NR4A3: variants seen among roughly 807,000 people sequenced by gnomAD.
NR4A3 encodes chondrosarcoma, extraskeletal myxoid, fused to EWS.
A neutral mutation model predicts 55.6 loss-of-function variants in NR4A3; 13 were observed. The ratio of observed to expected loss-of-function variants is 0.23; its 90% confidence interval spans 0.15 to 0.37. NR4A3 has a LOEUF of 0.37. Among genes scored for constraint, NR4A3 ranks in the 10% least tolerant of loss-of-function variants. The probability of loss-of-function intolerance (pLI) is 1.00; values close to 1 mark genes in which losing one functional copy is unlikely to be tolerated. For missense variants in NR4A3, 646 were observed against 822.8 expected (o/e 0.79, Z 2.63); for synonymous variants, 342 against 357.9 (o/e 0.96, Z 0.50).
intron 5 of NR4A3, among the ~76,000 whole-genome samples, chr9:99,842,460 G>A (rs925708961): frequency 2.0e-5 from 3 of 152,186 alleles, no homozygotes; most frequent in Non-Finnish European, 4.4e-5. Context: ...GCCAGACGCG[G>A]TGGCTCACGC....
At chr9:99,839,323 T>C (rs1827610222) in intron 5 of NR4A3, among the ~76,000 whole-genome samples, 1 of 152,222 alleles carries the variant, frequency 6.6e-6, no homozygotes, top group African/African-American at 2.4e-5. Flanking sequence ...AGAGCTATAG[T>C]TGAGAAAAGT....
Position 99,844,654 on chromosome 9 carries a change from T to C in NR4A3, c.1260T>C (p.Cys420=), listed in dbSNP as rs750898223. ...TPRDLDYSRY[C]PTDQAAAGTD... ...CTCTCTGGTTTGCATTCTAGTACTG[T>C]CCCACTGACCAGGCTGCTGCAGGCA... is the stretch of plus-strand genomic sequence containing the variant. Residue 420 remains cysteine (C), a synonymous_variant, in exon 6 of 8, where the codon TGT becomes TGC. Coordinates refer to ENST00000395097, the MANE Select transcript of NR4A3 (RefSeq NM_006981.4). 6.2e-7 allele frequency: 1 copy of C among 1,614,100 alleles called. No individual in the cohort carries two copies. Among genetic ancestry groups the C allele is most frequent in the Non-Finnish European group, 8.5e-7 (1 of 1,179,970 alleles).
rs141466959 is a variant in NR4A3, at chr9:99,843,568, C to G, written c.1255-1081C>G. Among the ~76,000 whole-genome samples the G allele has an allele frequency of 2.2e-3, 329 of 152,242 alleles. 1 individual carries two copies. The highest frequency in any genetic ancestry group is 7.6e-3 in the African/African-American group (314 of 41,536). ...GCACGGTGTCTTATGCCTGTAATCC[C>G]AGTACTTCGGGAGGCTGAGACAGAA... On this transcript the variant is annotated intron_variant, in intron 5 of 7. Transcript: ENST00000395097.
intron 7 of NR4A3, among the ~76,000 whole-genome samples, 169 bp from the exon 8 acceptor site, chr9:99,863,451 G>T (rs1355939977): frequency 1.2e-4 from 18 of 152,152 alleles, no homozygotes; most frequent in Non-Finnish European, 2.4e-4. Context: ...TCAAACCTTG[G>T]TGTTGCTTCA....
At chr9:99,842,588 A>C (rs1827672317) in intron 5 of NR4A3, among the ~76,000 whole-genome samples, 1 of 152,256 alleles carries the variant, frequency 6.6e-6, no homozygotes, top group East Asian at 1.9e-4. Flanking sequence ...AAAGTTAGCC[A>C]GGCATGGTAG....
rs1229586023 is a variant in NR4A3 at position 99,862,568 on chromosome 9, AAAAAAAAAAAAAAAAG to A, written c.1634-1050_1634-1035del. Among the ~76,000 whole-genome samples the A allele has an allele frequency of 5.1e-3, 508 of 99,562 alleles. 10 individuals are homozygous for A. Among genetic ancestry groups the A allele is most frequent in the African/African-American group, 0.017 (474 of 28,110 alleles). 65.3% of individuals were successfully genotyped at this position (99,562 alleles called of 152,430 possible). A position where few individuals can be genotyped will look rare whatever the true frequency, so the allele number is the denominator to read the frequency against. On this transcript the variant is annotated intron_variant, in intron 7 of 7. Coordinates refer to ENST00000395097, the MANE Select transcript of NR4A3 (RefSeq NM_006981.4). Reference sequence around the variant, plus strand: ...CTGTCTCAAAAAAAAAAAAAAAAAAAAAAAAAAAAAAAAAAGAGAGAGAAATGAGGCTCTGAAGTCT... The same window carrying A: ...CTGTCTCAAAAAAAAAAAAAAAAAAAAGAGAGAAATGAGGCTCTGAAGTCT...
intron 5 of NR4A3, among the ~76,000 whole-genome samples, chr9:99,835,419 G>C (rs1025720111): frequency 6.6e-6 from 1 of 152,146 alleles, no homozygotes; most frequent in African/African-American, 2.4e-5. Context: ...TAAATACCAA[G>C]CTTCACTGCC....
chr9:99,838,620 C>T (rs973340003), intron 5 of NR4A3, among the ~76,000 whole-genome samples: 27 of 152,158 alleles, frequency 1.8e-4, no homozygotes, highest in African/African-American at 6.5e-4. Context: ...ATATTCTGAC[C>T]ATAATATTAA....
intron 2 of NR4A3, among the ~76,000 whole-genome samples, chr9:99,827,724 T>C (rs1827329926): frequency 6.6e-6 from 1 of 152,210 alleles, no homozygotes; most frequent in Non-Finnish European, 1.5e-5. Context: ...TCAAAGCCTC[T>C]TTTTAAAAAC....
In NR4A3 at chr9:99,824,981, G is replaced by C. The variant is rs529877841; in HGVS notation, c.-176-678G>C. ...TCCGCTCGTCCCATCAGCCGCTAAC[G>C]CCGTCCGCTTCGTCCCCTTGCTTCC... On this transcript the variant is annotated intron_variant, in intron 1 of 7. Coordinates refer to ENST00000395097, the MANE Select transcript of NR4A3 (RefSeq NM_006981.4). Among the ~76,000 whole-genome samples the C allele has an allele frequency of 2.0e-5, 3 of 152,322 alleles. No homozygotes were observed. In the East Asian group the frequency reaches 5.8e-4, roughly 29 times the overall value.
rs1345675403 is a variant in NR4A3, at chr9:99,828,738, C to T, written c.696C>T (p.Gly232=). The part of the protein sequence containing the change: ...SLPLGAAAAA[G]SQAAALESHP... The stretch of plus-strand genomic sequence containing the variant: ...CGCTGGGAGCCGCAGCCGCCGCGGG[C>T]AGCCAGGCCGCCGCGCTTGAGAGCC... Residue 232 remains glycine (G), a synonymous_variant, in exon 3 of 8, where the codon GGC becomes GGT. Coordinates refer to ENST00000395097, the MANE Select transcript of NR4A3 (RefSeq NM_006981.4). The surrounding 1 kb of genome is among the most constrained non-coding windows in gnomAD (Gnocchi z 7.7). 7.6e-7 allele frequency: 1 copy of T among 1,311,414 alleles called. No individual in the cohort carries two copies. The highest frequency in any genetic ancestry group is 9.7e-7 in the Non-Finnish European group (1 of 1,033,776). The allele number at this position is 1,311,414 out of a possible 1,614,324, so 81.2% of individuals were successfully genotyped here.
chr9:99,862,775 A>T (rs1828030959), intron 7 of NR4A3, among the ~76,000 whole-genome samples: 1 of 152,130 alleles, frequency 6.6e-6, no homozygotes, highest in Non-Finnish European at 1.5e-5. Context: ...AAGATAGATC[A>T]TAGTATTTAA....
intron 7 of NR4A3, among the ~76,000 whole-genome samples, chr9:99,858,797 C>A (rs1827967418): frequency 6.6e-6 from 1 of 152,164 alleles, no homozygotes. Flanking sequence ...CTTTGTCCTG[C>A]CTAATTCACA....
rs149071097 is a variant in NR4A3, at chr9:99,845,022, G to A, written c.1454+174G>A. ...GAGGGAGCACTAGGCTTGCCACCAGGACCCGTGGGTTCTAGTCCCAGTTCT... is the reference window on the plus strand; with the variant it reads ...GAGGGAGCACTAGGCTTGCCACCAGAACCCGTGGGTTCTAGTCCCAGTTCT... On this transcript the variant is annotated intron_variant, in intron 6 of 7. Transcript: ENST00000395097. Among the ~76,000 whole-genome samples, 255 of 152,286 alleles carry A rather than the reference G, an allele frequency of 1.7e-3. 1 individual carries two copies. The highest frequency in any genetic ancestry group is 5.9e-3 in the African/African-American group (244 of 41,552).
At position 99,866,026 on chromosome 9, in the gene NR4A3, CT is replaced by C; in HGVS notation, c.*2168del. 4.7e-5 allele frequency: 10 copies of C among 214,108 alleles called. No homozygotes were observed. The highest frequency in any genetic ancestry group is 2.8e-4 in the East Asian group (4 of 14,312). 13.3% of individuals were successfully genotyped at this position (214,108 alleles called of 1,614,324 possible). A position where few individuals can be genotyped will look rare whatever the true frequency, so the allele number is the denominator to read the frequency against. ...AAGACCTAATTTACCTTTCCATACT[CT>C]TTTTTTTTCTCAACTTCATCTATAT... On this transcript the variant is annotated 3_prime_UTR_variant, in exon 8 of 8. Transcript: ENST00000395097.
rs373785556 is a variant in NR4A3, at chr9:99,847,602, G to A, written c.1620G>A (p.Leu540=). ...DIQALACLSA[L]SMITERHGLK... ...AAGCCTTAGCCTGCCTGTCAGCACT[G>A]AGCATGATCACAGGTAAGCACCACC... Residue 540 remains leucine, a synonymous_variant, in exon 7 of 8, where the codon CTG becomes CTA. Transcript: ENST00000395097. 4 of 1,613,924 alleles carry A rather than the reference G, an allele frequency of 2.5e-6. No homozygotes were observed. The African/African-American group carries it at 5.3e-5, about 22-fold the overall frequency.
At chr9:99,839,944 G>A (rs1396060921) in intron 5 of NR4A3, among the ~76,000 whole-genome samples, 2 of 152,210 alleles carry the variant, frequency 1.3e-5, no homozygotes, top group African/African-American at 4.8e-5. Context: ...CCAACTCTAG[G>A]ACCAGTATTC....
chr9:99,862,549 C>CAAAAAAAAAAAAAAAAAAAAAAAAAAA (rs59274273), intron 7 of NR4A3, among the ~76,000 whole-genome samples: 29 of 72,812 alleles, frequency 4.0e-4, no homozygotes, highest in Admixed American at 5.5e-4. Flanking sequence ...GACTCTGTCT[C>CAAAAAAAAAAAAAAAAAAAAAAAAAAA]AAAAAAAAAA....
rs182652116 is a variant in NR4A3 at position 99,865,181 on chromosome 9, A to G, written c.*1314A>G. 7 of 186,488 alleles carry G rather than the reference A, an allele frequency of 3.8e-5. No individual in the cohort carries two copies. The highest frequency in any genetic ancestry group is 1.2e-4 in the African/African-American group (5 of 42,738). 11.6% of individuals were successfully genotyped at this position (186,488 alleles called of 1,614,324 possible). A position where few individuals can be genotyped will look rare whatever the true frequency, so the allele number is the denominator to read the frequency against. On this transcript the variant is annotated 3_prime_UTR_variant, in exon 8 of 8. Transcript: ENST00000395097. This position sits in a 1 kb window ranked among gnomAD's most constrained non-coding sequence, Gnocchi z 4.3. ...GTATAAACATTTGTATGCACGTTAT[A>G]TTGTAATAGCTTTGCCTGTATTTAT...
Sources: allele counts gnomAD v4.1 joint callset (sites outside exome capture counted in the v4.1 genomes callset), GRCh38; gene constraint gnomAD v4.1.1; non-coding constraint Gnocchi (gnomAD v3.1); transcripts MANE v1.5; gene names NCBI Gene and HGNC (gene_info 2026-07-23, HGNC 2026-07-21).